The following EFHC1 variants were observed in gnomAD, a reference collection of about 807,000 sequenced individuals.
EFHC1 encodes the protein EF-hand domain containing 1.
Under a neutral mutation model 69.9 loss-of-function variants are expected in EFHC1, and 53 were observed. That is an observed-to-expected ratio of 0.76 (90% confidence interval 0.61 to 0.95). The LOEUF (loss-of-function observed/expected upper bound fraction) is 0.95. Among genes scored for constraint, EFHC1 ranks in the 40% least tolerant of loss-of-function variants. EFHC1 has a pLI of 0.00. For synonymous variants in EFHC1, 256 were observed against 278.4 expected, an observed-to-expected ratio of 0.92 and a Z score of 0.80; for missense variants, 739 against 798.7, an observed-to-expected ratio of 0.93 and a Z score of 0.90.
chr6:52,423,263 G>C (rs996710740), intron 1 of EFHC1, among the ~76,000 whole-genome samples: 3 of 152,132 alleles, frequency 2.0e-5, no homozygotes, highest in African/African-American at 7.2e-5. Flanking sequence ...GTATCTTCTA[G>C]GTTCTACAGT....
intron 5 of EFHC1, among the ~76,000 whole-genome samples, chr6:52,454,691 C>G (rs1765000474): frequency 6.6e-6 from 1 of 152,156 alleles, no homozygotes; most frequent in Non-Finnish European, 1.5e-5. Context: ...ACTTCCTAAA[C>G]AGGAAGTTTC....
chr6:52,437,977 T>C (rs942519871), intron 2 of EFHC1, among the ~76,000 whole-genome samples: 16 of 152,320 alleles, frequency 1.1e-4, no homozygotes, highest in Admixed American at 5.9e-4. Context: ...GCGTAAATTA[T>C]TTACATAATT....
chr6:52,454,149 C>T lies in EFHC1; in HGVS notation c.778C>T (p.Arg260Trp), dbSNP rs1164027334. 25 of 1,613,800 alleles carry T rather than the reference C, an allele frequency of 1.5e-5. No individual in the cohort carries two copies. The highest frequency in any genetic ancestry group is 6.7e-5 in the African/African-American group (5 of 74,854). The change falls in exon 5 of 11, where the codon CGG (arginine) becomes TGG (tryptophan). Residue 260 changes from arginine (R) to tryptophan (W), a missense_variant. Arg to Trp is a moderately radical substitution (Grantham distance 101). Coordinates refer to ENST00000371068, the MANE Select transcript of EFHC1 (RefSeq NM_018100.4). ...TACAGACAGCATGTATGGTGAATGT[C>T]GGACCTACATCATTCATTACTATCT... ...DDTDSMYGEC[R>W]TYIIHYYLMD...
chr6:52,449,397 A>G (rs909479942), intron 3 of EFHC1, among the ~76,000 whole-genome samples: 1 of 151,746 alleles, frequency 6.6e-6, no homozygotes, highest in Admixed American at 6.6e-5. Flanking sequence ...AAAAAAAAAA[A>G]TAGTACCAGC....
intron 3 of EFHC1, 59 bp downstream of exon 3, chr6:52,438,650 G>A: frequency 5.1e-6 from 8 of 1,565,180 alleles, no homozygotes; most frequent in Non-Finnish European, 7.0e-6. Context: ...TTTATAGAAG[G>A]ATACATTTCA....
At chr6:52,428,707 T>G (rs1287362335) in intron 2 of EFHC1, among the ~76,000 whole-genome samples, 3 of 152,198 alleles carry the variant, frequency 2.0e-5, no homozygotes, top group Admixed American at 6.5e-5. Context: ...TACCCAGTAG[T>G]GGGATTGCTG....
At chr6:52,469,290 C>A in intron 6 of EFHC1, 43 bp from the exon 7 acceptor site, 1 of 1,612,438 alleles carries the variant, frequency 6.2e-7, no homozygotes, top group Non-Finnish European at 8.5e-7. Context: ...AATCTTAACA[C>A]AAGTAGTATC....
At chr6:52,445,421 G>A (rs1764760491) in intron 3 of EFHC1, among the ~76,000 whole-genome samples, 1 of 151,714 alleles carries the variant, frequency 6.6e-6, no homozygotes, top group Non-Finnish European at 1.5e-5. Flanking sequence ...CTAGCATTAG[G>A]TATATCTCCC....
At chr6:52,481,127 G>T (rs1765665275) in intron 9 of EFHC1, among the ~76,000 whole-genome samples, 1 of 152,148 alleles carries the variant, frequency 6.6e-6, no homozygotes, top group Non-Finnish European at 1.5e-5. Flanking sequence ...CAGTGGAGGT[G>T]GGGAGAAGTG....
chr6:52,469,047 C>A (rs558833056), intron 6 of EFHC1: 94 of 428,480 alleles, frequency 2.2e-4, no homozygotes, highest in Non-Finnish European at 3.5e-4. Context: ...GGACTAGGTC[C>A]TGCTTTTGTA....
intron 7 of EFHC1, among the ~76,000 whole-genome samples, chr6:52,478,429 AAAAAAG>A (rs1765592203): frequency 6.6e-6 from 1 of 152,244 alleles, no homozygotes; most frequent in African/African-American, 2.4e-5. Flanking sequence ...CTATAATAAA[AAAAAAG>A]AAAAAGTCTT....
At chr6:52,480,404 A>T (rs1322027926) in intron 9 of EFHC1, among the ~76,000 whole-genome samples, 1 of 152,176 alleles carries the variant, frequency 6.6e-6, no homozygotes, top group Non-Finnish European at 1.5e-5. Context: ...GTCAGCTATA[A>T]TTATTAAATG....
At chr6:52,487,407 C>G (rs532198667) in intron 9 of EFHC1, 5 of 152,240 alleles carry the variant, frequency 3.3e-5, no homozygotes, top group African/African-American at 1.2e-4. Context: ...TCTCAAGGTC[C>G]TGTTTTTGGT....
In EFHC1 at chr6:52,493,363, TAC is replaced by T. The variant is rs772581532; in HGVS notation, c.*1024_*1025del. Reference sequence around the variant, plus strand: ...TTATAACTCTCTCTTTCTCTCTCTCTACATATATATATATATATATATTTTAT... The same window carrying T: ...TTATAACTCTCTCTTTCTCTCTCTCTATATATATATATATATATATTTTAT... On this transcript the variant is annotated 3_prime_UTR_variant, in exon 11 of 11. Coordinates refer to ENST00000371068, the MANE Select transcript of EFHC1 (RefSeq NM_018100.4). 1 of 239,182 alleles carries T rather than the reference TAC, an allele frequency of 4.2e-6. No homozygotes were observed. The highest frequency in any genetic ancestry group is 7.7e-6 in the Non-Finnish European group (1 of 129,934). The allele number at this position is 239,182 out of a possible 1,614,324, so 14.8% of individuals were successfully genotyped here.
rs535594753 is a variant in EFHC1 at position 52,423,932 on chromosome 6, C to G, written c.64-14C>G. 1 of 1,613,074 alleles carries G rather than the reference C, an allele frequency of 6.2e-7. No individual in the cohort carries two copies. The highest frequency in any genetic ancestry group is 8.5e-7 in the Non-Finnish European group (1 of 1,179,390). ...TGTCTAATGTTATTAATGACACATT[C>G]TTTTCTTCTTCAGAAAACAGCCTTC... On this transcript the variant is annotated splice_polypyrimidine_tract_variant and intron_variant, in intron 1 of 10. Transcript: ENST00000371068.
At chr6:52,470,075 A>G (rs540461137) in intron 7 of EFHC1, among the ~76,000 whole-genome samples, 3 of 152,336 alleles carry the variant, frequency 2.0e-5, no homozygotes, top group Admixed American at 1.3e-4. Flanking sequence ...TATTAGAAAT[A>G]TGAACATAAA....
intron 2 of EFHC1, among the ~76,000 whole-genome samples, chr6:52,433,635 T>A (rs1429951110): frequency 6.6e-6 from 1 of 152,168 alleles, no homozygotes; most frequent in Non-Finnish European, 1.5e-5. Flanking sequence ...TTTAATGTAC[T>A]ATTTTTGTGC....
intron 7 of EFHC1, among the ~76,000 whole-genome samples, chr6:52,477,726 A>T (rs1765574101): frequency 6.6e-6 from 1 of 152,256 alleles, no homozygotes; most frequent in African/African-American, 2.4e-5. Flanking sequence ...CCACAAAGAC[A>T]TACCATCTCA....
At chr6:52,431,803 T>TC (rs1013767404) in intron 2 of EFHC1, among the ~76,000 whole-genome samples, 26 of 151,994 alleles carry the variant, frequency 1.7e-4, no homozygotes, top group East Asian at 9.6e-4. Context: ...AGTATTGAAG[T>TC]CCCCCCCTAT....
Sources: gnomAD v4.1 joint callset for allele counts (sites outside exome capture counted in the v4.1 genomes callset) on GRCh38, gnomAD v4.1.1 for gene constraint, MANE v1.5 for transcripts, NCBI Gene and HGNC (gene_info 2026-07-23, HGNC 2026-07-21) for gene names.